PRKN: variants seen among roughly 807,000 people sequenced by gnomAD.
PRKN encodes parkin RBR E3 ubiquitin protein ligase.
A neutral mutation model predicts 59.5 loss-of-function variants in PRKN; 56 were observed. That is an observed-to-expected ratio of 0.94 (90% CI 0.76 to 1.18). PRKN has a LOEUF of 1.18. Among genes scored for constraint, PRKN ranks in the 50% most tolerant of loss-of-function variants. The pLI is 0.00. For missense variants in PRKN, 657 were observed against 596.4 expected, an observed-to-expected ratio of 1.10 and a Z score of -1.06; for synonymous variants, 250 against 222.1, an observed-to-expected ratio of 1.13 and a Z score of -1.12.
chr6:162,349,988 GA>G (rs1784558753), intron 2 of PRKN, among the ~76,000 whole-genome samples: 1 of 152,144 alleles, frequency 6.6e-6, no homozygotes, highest in African/African-American at 2.4e-5. Flanking sequence ...AGTACTAAGT[GA>G]GTTTAGCCAA....
intron 7 of PRKN, among the ~76,000 whole-genome samples, chr6:161,585,883 A>G (rs971980856): frequency 6.6e-6 from 1 of 152,164 alleles, no homozygotes; most frequent in Non-Finnish European, 1.5e-5. Context: ...TGACCTCTAC[A>G]TATTTGGCTC....
At chr6:162,609,159 A>C (rs1278154360) in intron 1 of PRKN, among the ~76,000 whole-genome samples, 1 of 152,208 alleles carries the variant, frequency 6.6e-6, no homozygotes, top group Non-Finnish European at 1.5e-5. Context: ...CAGAAGATAA[A>C]GTGCAGGCCC....
rs148369689 is a variant in PRKN at position 162,329,866 on chromosome 6, C to A, written c.172-67101G>T. ...GCCAAGATAATGGAGGTAAACTAAC[C>A]TGGATCAGAGAAAACAAAAGTTGGA... is the stretch of plus-strand genomic sequence containing the variant. On this transcript the variant is annotated intron_variant, in intron 2 of 11. Transcript: ENST00000366898. Among the ~76,000 whole-genome samples the A allele has an allele frequency of 4.2e-3, 641 of 152,154 alleles. 5 individuals carry two copies. The highest frequency in any genetic ancestry group is 0.014 in the African/African-American group (601 of 41,506).
intron 6 of PRKN, among the ~76,000 whole-genome samples, chr6:161,909,579 T>C (rs560916289): frequency 1.1e-3 from 161 of 152,124 alleles, no homozygotes; most frequent in Non-Finnish European, 2.0e-3. Flanking sequence ...GAACCGGACA[T>C]GTATGAAAAG....
intron 6 of PRKN, among the ~76,000 whole-genome samples, chr6:161,866,301 C>T (rs769253395): frequency 1.3e-5 from 2 of 152,060 alleles, no homozygotes; most frequent in Admixed American, 6.6e-5. Flanking sequence ...GTTGGCCAGG[C>T]GCAGTGACTC....
rs538224280 is a variant in PRKN at position 161,390,540 on chromosome 6, G to A, written c.1084-3663C>T. On this transcript the variant is annotated intron_variant, in intron 9 of 11. Coordinates refer to ENST00000366898, the MANE Select transcript of PRKN (RefSeq NM_004562.3). The surrounding 1 kb of genome is among the most constrained non-coding windows in gnomAD (Gnocchi z 7.0). ...GTCTTGCTCTGTTGCCCAGGCTGGA[G>A]TGCAGTGGCACCATCTCGGCTCACT... Among the ~76,000 whole-genome samples, 1 of 152,310 alleles carries A rather than the reference G, an allele frequency of 6.6e-6. No homozygotes were observed. The highest frequency in any genetic ancestry group is 2.1e-4 in the South Asian group (1 of 4,824).
At chr6:161,700,956 T>C (rs908115603) in intron 7 of PRKN, among the ~76,000 whole-genome samples, 1 of 152,196 alleles carries the variant, frequency 6.6e-6, no homozygotes, top group Non-Finnish European at 1.5e-5. Context: ...CTGCCTGGTG[T>C]TTTATTTTGT....
chr6:162,717,077 C>A, intron 1 of PRKN, among the ~76,000 whole-genome samples: 1 of 152,178 alleles, frequency 6.6e-6, no homozygotes, highest in South Asian at 2.1e-4. Context: ...CTGAATGTAA[C>A]CCCATGTGTT....
At chr6:162,625,246 C>A (rs1782837511) in intron 1 of PRKN, among the ~76,000 whole-genome samples, 1 of 152,148 alleles carries the variant, frequency 6.6e-6, no homozygotes, top group African/African-American at 2.4e-5. Flanking sequence ...GTTGTTGAAG[C>A]CCCTGGATCA....
chr6:162,287,396 G>T (rs1323594292), intron 2 of PRKN, among the ~76,000 whole-genome samples: 2 of 152,010 alleles, frequency 1.3e-5, no homozygotes, highest in African/African-American at 2.4e-5. Context: ...GCAAAACTCT[G>T]TCTCTACAAA....
intron 6 of PRKN, among the ~76,000 whole-genome samples, chr6:161,869,977 T>A (rs1160407036): frequency 6.6e-6 from 1 of 152,236 alleles, no homozygotes; most frequent in African/African-American, 2.4e-5. Context: ...TGTTTCTTCC[T>A]TTTTTACTTA....
In PRKN at chr6:162,235,968, A is replaced by AAAGAAAGAAAGAAAGAAAGAAAG. The variant is rs1554288868; in HGVS notation, c.412+26556_412+26557insCTTTCTTTCTTTCTTTCTTTCTT. ...AAGGAAGGAAGAAAGGAAGAAAGAA[A>AAAGAAAGAAAGAAAGAAAGAAAG]GAAAGAAAGAAAGAAAGAAAGAAAG... On this transcript the variant is annotated intron_variant, in intron 3 of 11. Transcript: ENST00000366898. 8.0e-4 allele frequency among the ~76,000 whole-genome samples: 58 copies of AAAGAAAGAAAGAAAGAAAGAAAG among 72,562 alleles called. 1 individual carries two copies. The highest frequency in any genetic ancestry group is 1.4e-3 in the Non-Finnish European group (52 of 38,000). 47.6% of individuals were successfully genotyped at this position (72,562 alleles called of 152,430 possible).
intron 4 of PRKN, among the ~76,000 whole-genome samples, chr6:162,069,721 C>T (rs1396547919): frequency 6.6e-6 from 1 of 152,028 alleles, no homozygotes; most frequent in Non-Finnish European, 1.5e-5. Flanking sequence ...TTAATTGTTC[C>T]TAAGTAAGCC....
At chr6:161,848,128 C>A (rs1381292465) in intron 6 of PRKN, among the ~76,000 whole-genome samples, 1 of 152,208 alleles carries the variant, frequency 6.6e-6, no homozygotes, top group Admixed American at 6.5e-5. Context: ...CAGGACTATT[C>A]ATTAGCATTT....
chr6:161,513,025 G>A (rs1355348369), intron 9 of PRKN, among the ~76,000 whole-genome samples: 1 of 152,130 alleles, frequency 6.6e-6, no homozygotes, highest in Non-Finnish European at 1.5e-5. Flanking sequence ...GGCCTCCACA[G>A]AACCACTCTT....
intron 6 of PRKN, among the ~76,000 whole-genome samples, chr6:161,903,298 C>A (rs1778007158): frequency 6.6e-6 from 1 of 152,160 alleles, no homozygotes; most frequent in Non-Finnish European, 1.5e-5. Flanking sequence ...ATTTACACCA[C>A]AGAAATTGGC....
intron 1 of PRKN, among the ~76,000 whole-genome samples, chr6:162,667,080 T>C (rs539394224): frequency 1.3e-5 from 2 of 152,204 alleles, no homozygotes; most frequent in East Asian, 3.9e-4. Context: ...TGAAAGACAT[T>C]CTTGATAATA....
In PRKN at chr6:161,874,235, T is replaced by A. The variant is rs867394460; in HGVS notation, c.735-88327A>T. Among the ~76,000 whole-genome samples the A allele has an allele frequency of 4.9e-3, 43 of 8,730 alleles. 7 individuals carry two copies. The highest frequency in any genetic ancestry group is 8.0e-3 in the Admixed American group (3 of 374). 5.7% of individuals were successfully genotyped at this position (8,730 alleles called of 152,430 possible). The stretch of plus-strand genomic sequence containing the variant: ...AAAATATAATATATATTATATATAA[T>A]ATATAATATATAATATATATTATAT... On this transcript the variant is annotated intron_variant, in intron 6 of 11. Transcript: ENST00000366898.
At chr6:161,902,625 T>C (rs1777976812) in intron 6 of PRKN, among the ~76,000 whole-genome samples, 1 of 147,032 alleles carries the variant, frequency 6.8e-6, no homozygotes, top group African/African-American at 2.5e-5. Flanking sequence ...AGTGGTACCA[T>C]CTCAGCTCAC....
Sources: allele counts gnomAD v4.1 joint callset (sites outside exome capture counted in the v4.1 genomes callset), GRCh38; gene constraint gnomAD v4.1.1; non-coding constraint Gnocchi (gnomAD v3.1); transcripts MANE v1.5; gene names NCBI Gene and HGNC (gene_info 2026-07-23, HGNC 2026-07-21).